Variants in PYROXD1 observed in about 807,000 individuals in gnomAD.
The protein encoded by PYROXD1 is pyridine nucleotide-disulphide oxidoreductase domain 1.
In PYROXD1, 42 loss-of-function variants were observed where a neutral mutation model predicts 62.0. That is an observed-to-expected ratio of 0.68 (90% confidence interval 0.53 to 0.88). The LOEUF (loss-of-function observed/expected upper bound fraction) is 0.88, where lower values mean the gene tolerates loss of function less well. PYROXD1 is among the 40% of genes least tolerant of loss of function. The pLI is 0.00. For missense variants in PYROXD1, 493 were observed against 604.8 expected, an observed-to-expected ratio of 0.82 and a Z score of 1.94; for synonymous variants, 170 against 206.4, an observed-to-expected ratio of 0.82 and a Z score of 1.51.
intron 11 of PYROXD1, 114 bp from the exon 12 acceptor site, chr12:21,468,391 TA>T: frequency 1.1e-6 from 1 of 916,710 alleles, no homozygotes; most frequent in Non-Finnish European, 1.7e-6. Flanking sequence ...CATTTTTAGT[TA>T]TGAAATTTTG....
In PYROXD1 at chr12:21,461,908, TTTTC is replaced by T. The variant is rs1942703730; in HGVS notation, c.881-92_881-89del. 13 of 608,378 alleles carry T rather than the reference TTTTC, an allele frequency of 2.1e-5. No individual in the cohort carries two copies. In the Middle Eastern group the frequency reaches 2.3e-3, roughly 109 times the overall value. 37.7% of individuals were successfully genotyped at this position (608,378 alleles called of 1,614,324 possible). A position where few individuals can be genotyped will look rare whatever the true frequency, so the allele number is the denominator to read the frequency against. ...TTACAAAGTTATCTCTTGCCTTTCT[TTTTC>T]TTTCTTTGTTTCTAGTCATTGTAGT... is the stretch of plus-strand genomic sequence containing the variant. On this transcript the variant is annotated intron_variant, in intron 8 of 11. Transcript: ENST00000240651.
chr12:21,455,044 T>A, intron 5 of PYROXD1, 88 bp from the exon 6 acceptor site: 1 of 656,244 alleles, frequency 1.5e-6, no homozygotes. Flanking sequence ...TTCCCTACTT[T>A]TGCTTCAGGA....
Position 21,445,336 on chromosome 12 carries a change from G to T in PYROXD1, c.166-11G>T, listed in dbSNP as rs1379767502. ...AAAAATATACATTTTTAATCTCTTG[G>T]ATCTATACAGATTTCTAAAATATTG... is the stretch of plus-strand genomic sequence containing the variant. On this transcript the variant is annotated splice_polypyrimidine_tract_variant and intron_variant, in intron 2 of 11. Transcript: ENST00000240651. The T allele has an allele frequency of 1.3e-6, 2 of 1,568,062 alleles. No individual in the cohort carries two copies. The highest frequency in any genetic ancestry group is 4.5e-5 in the East Asian group (2 of 44,296).
intron 7 of PYROXD1, among the ~76,000 whole-genome samples, chr12:21,457,466 A>G (rs542053592): frequency 6.6e-6 from 1 of 151,362 alleles, no homozygotes; most frequent in East Asian, 1.9e-4. Flanking sequence ...GTAGGTCTCA[A>G]TGGTGGGCTT....
At chr12:21,442,073 A>G (rs144946530) in intron 2 of PYROXD1, among the ~76,000 whole-genome samples, 15 of 152,286 alleles carry the variant, frequency 9.8e-5, no homozygotes, top group African/African-American at 3.6e-4. Flanking sequence ...TTCAATGTCA[A>G]TGGCTGCTAA....
chr12:21,450,917 A>C (rs1177181753), intron 4 of PYROXD1, among the ~76,000 whole-genome samples: 1 of 152,196 alleles, frequency 6.6e-6, no homozygotes. Flanking sequence ...TCAAGAGATT[A>C]AGTATGTATC....
At chr12:21,460,002 T>C (rs1162200208) in intron 7 of PYROXD1, among the ~76,000 whole-genome samples, 1 of 152,208 alleles carries the variant, frequency 6.6e-6, no homozygotes, top group Non-Finnish European at 1.5e-5. Context: ...AAGGAGATGA[T>C]TTGCTTTTCC....
At chr12:21,463,426 C>T (rs527265384) in intron 10 of PYROXD1, among the ~76,000 whole-genome samples, 47 of 152,226 alleles carry the variant, frequency 3.1e-4, no homozygotes, top group East Asian at 7.7e-4. Flanking sequence ...CAGTGGCTCA[C>T]GCCTGTAATC....
rs1942688701 is a variant in PYROXD1 at position 21,461,059 on chromosome 12, A to C, written c.785A>C (p.Glu262Ala). The C allele has an allele frequency of 1.9e-6, 3 of 1,563,176 alleles. No individual in the cohort carries two copies. Among genetic ancestry groups the C allele is most frequent in the Admixed American group, 1.8e-5 (1 of 54,534 alleles). ...SHKIHLETMCEVKKIYLQDEF... is the reference protein window; with the variant it reads ...SHKIHLETMCAVKKIYLQDEF... Reference sequence around the variant, plus strand: ...AAGATTCACCTTGAAACTATGTGTGAAGTAAAGAAAATCTACCTTCAGGAT... The same window carrying C: ...AAGATTCACCTTGAAACTATGTGTGCAGTAAAGAAAATCTACCTTCAGGAT... Residue 262 changes from glutamate to alanine, a missense_variant, in exon 8 of 12, where the codon GAA (glutamate) becomes GCA (alanine). By Grantham distance (107) the Glu-to-Ala change is moderately radical (BLOSUM62 -1). Transcript: ENST00000240651.
Position 21,470,365 on chromosome 12 carries a change from A to C in PYROXD1, c.*1611A>C, listed in dbSNP as rs755472957. 6.5e-6 allele frequency: 10 copies of C among 1,532,878 alleles called. No homozygotes were observed. In the East Asian group the frequency reaches 2.3e-4, roughly 36 times the overall value. The allele number at this position is 1,532,878 out of a possible 1,614,324, so 95.0% of individuals were successfully genotyped here. ...ATTCAGCCTACAAAAAAAAAAAAAA[A>C]ACAAAGCAAGCACCTTGGTAAAAAT... is the stretch of plus-strand genomic sequence containing the variant. On this transcript the variant is annotated 3_prime_UTR_variant, in exon 12 of 12. Transcript: ENST00000240651.
chr12:21,456,166 G>T, intron 7 of PYROXD1, 71 bp downstream of exon 7: 1 of 951,212 alleles, frequency 1.1e-6, no homozygotes, highest in South Asian at 1.5e-5. Flanking sequence ...ATTAAAGACT[G>T]GTAATAAATA....
chr12:21,462,637 T>C, intron 9 of PYROXD1, 103 bp from the exon 10 acceptor site: 1 of 1,291,622 alleles, frequency 7.7e-7, no homozygotes, highest in South Asian at 1.2e-5. Flanking sequence ...TCATTAAAGA[T>C]GAGCATGCAA....
rs1352890922 is a variant in PYROXD1 at position 21,450,223 on chromosome 12, T to A, written c.414+532T>A. ...CACTATGTTTTTAAGTTCATGCTGA[T>A]GTGTTATCAGCGTGAGATAACCCAG... On this transcript the variant is annotated intron_variant, in intron 4 of 11. Transcript: ENST00000240651. 2.6e-5 allele frequency among the ~76,000 whole-genome samples: 4 copies of A among 152,174 alleles called. No homozygotes were observed. The East Asian group carries it at 7.7e-4, about 29-fold the overall frequency.
In PYROXD1 at chr12:21,462,807, A is replaced by C. The variant is rs752009313; in HGVS notation, c.1061A>C (p.Tyr354Ser). 13 of 1,614,034 alleles carry C rather than the reference A, an allele frequency of 8.1e-6. No homozygotes were observed. Among genetic ancestry groups the C allele is most frequent in the Non-Finnish European group, 1.1e-5 (13 of 1,179,978 alleles). The change falls in exon 10 of 12, where the codon TAT (tyrosine) becomes TCT (serine). Residue 354 changes from tyrosine to serine, a missense_variant. Tyr to Ser is a moderately radical substitution (Grantham distance 144, BLOSUM62 -2). Coordinates refer to ENST00000240651, the MANE Select transcript of PYROXD1 (RefSeq NM_024854.5). Reference protein sequence around the residue: ...DHMHTSLPDIYAAGDICTTSW... With the variant: ...DHMHTSLPDISAAGDICTTSW... ...ATGCACACATCCCTTCCTGATATCT[A>C]TGCTGCCGGTGACATCTGTACTACA...
chr12:21,464,129 G>A (rs1942747557), intron 10 of PYROXD1, among the ~76,000 whole-genome samples: 1 of 115,232 alleles, frequency 8.7e-6, no homozygotes, highest in Non-Finnish European at 1.8e-5. Flanking sequence ...TAGAGTTGGA[G>A]TTTATGGGTT....
chr12:21,439,333 G>A (rs1942252964), intron 1 of PYROXD1, among the ~76,000 whole-genome samples: 1 of 152,212 alleles, frequency 6.6e-6, no homozygotes, highest in African/African-American at 2.4e-5. Context: ...GGTGATTTCA[G>A]TAGTATAAAG....
At chr12:21,461,500 G>A (rs1160713787) in intron 8 of PYROXD1, among the ~76,000 whole-genome samples, 1 of 152,142 alleles carries the variant, frequency 6.6e-6, no homozygotes, top group East Asian at 1.9e-4. Flanking sequence ...GGACTAAGAT[G>A]CAGCTCTCCT....
rs1165157473 is a variant in PYROXD1 at position 21,468,757 on chromosome 12, A to C, written c.*3A>C. The C allele has an allele frequency of 1.2e-6, 2 of 1,601,144 alleles. No homozygotes were observed. Among genetic ancestry groups the C allele is most frequent in the Non-Finnish European group, 1.7e-6 (2 of 1,171,802 alleles). On this transcript the variant is annotated 3_prime_UTR_variant, in exon 12 of 12. Coordinates refer to ENST00000240651, the MANE Select transcript of PYROXD1 (RefSeq NM_024854.5). ...ATATAGAAGATTATTTTGACTAAAA[A>C]TGGAATTTCTTCAGGAATCATATAA... is the stretch of plus-strand genomic sequence containing the variant.
At chr12:21,456,913 A>G (rs911768248) in intron 7 of PYROXD1, 3 of 452,990 alleles carry the variant, frequency 6.6e-6, no homozygotes, top group African/African-American at 2.0e-5. Flanking sequence ...TCAGATAACT[A>G]CGTTCTTTGC....
Sources: gnomAD v4.1 joint callset for allele counts (sites outside exome capture counted in the v4.1 genomes callset) on GRCh38, gnomAD v4.1.1 for gene constraint, MANE v1.5 for transcripts, NCBI Gene and HGNC (gene_info 2026-07-23, HGNC 2026-07-21) for gene names.